Variants in SPPL2A observed in about 807,000 individuals in gnomAD.
SPPL2A encodes the protein signal peptide peptidase like 2A, also known as signal peptide peptidase-like 2A.
A neutral mutation model predicts 63.8 loss-of-function variants in SPPL2A; 51 were observed. That is an observed-to-expected ratio of 0.80 (90% CI 0.64 to 1.01). The LOEUF is 1.01. SPPL2A is among the 50% of genes least tolerant of loss of function. The pLI, the probability that SPPL2A is intolerant of heterozygous loss-of-function variation, is 0.00. For synonymous variants in SPPL2A, 188 were observed against 205.8 expected (o/e 0.91, Z 0.74); for missense variants, 553 against 622.7 (o/e 0.89, Z 1.19).
chr15:50,765,148 G>A (rs1489841548), intron 1 of SPPL2A, among the ~76,000 whole-genome samples: 1 of 152,062 alleles, frequency 6.6e-6, no homozygotes, highest in African/African-American at 2.4e-5. Flanking sequence ...CTGGGACAGT[G>A]AGCAACTATC....
At chr15:50,715,296 C>A (rs75559755) in intron 14 of SPPL2A, among the ~76,000 whole-genome samples, 9,707 of 152,090 alleles carry the variant, frequency 0.064, 1,071 homozygotes, top group African/African-American at 0.22. Flanking sequence ...CCGCTCCCGG[C>A]CTAAGAATGA....
chr15:50,717,967 C>CTTT (rs1567150531), intron 14 of SPPL2A, among the ~76,000 whole-genome samples: 17 of 98,106 alleles, frequency 1.7e-4, no homozygotes, highest in South Asian at 1.0e-3. Flanking sequence ...CTGTAACTTT[C>CTTT]GTTTTTTTTT....
intron 14 of SPPL2A, among the ~76,000 whole-genome samples, chr15:50,711,983 T>C (rs2062562662): frequency 6.6e-6 from 1 of 152,218 alleles, no homozygotes; most frequent in South Asian, 2.1e-4. Context: ...ACAATTACAG[T>C]CATTTTATAA....
At chr15:50,736,907 G>GTTTTTTTTTTTTTTTTT (rs35812835) in intron 6 of SPPL2A, among the ~76,000 whole-genome samples, 167 bp from the exon 7 acceptor site, 3 of 150,506 alleles carry the variant, frequency 2.0e-5, no homozygotes, top group African/African-American at 2.4e-5. Flanking sequence ...AGATCGTGAG[G>GTTTTTTTTTTTTTTTTT]TTTTTTGTTT....
intron 1 of SPPL2A, among the ~76,000 whole-genome samples, chr15:50,751,163 GA>G (rs1451964735): frequency 2.0e-5 from 3 of 152,138 alleles, no homozygotes; most frequent in Admixed American, 6.6e-5. Flanking sequence ...ATTAGATAAG[GA>G]AATAAGATGT....
rs1184993537 is a variant in SPPL2A at position 50,736,194 on chromosome 15, C to T, written c.839G>A (p.Cys280Tyr). The T allele has an allele frequency of 6.2e-7, 1 of 1,601,694 alleles. No individual in the cohort carries two copies. The part of the protein sequence containing the change: ...KIPYGQCTIA[C>Y]RGKNMEVRLI... The stretch of plus-strand genomic sequence containing the variant: ...TCTCACTTCCATGTTTTTGCCACGA[C>T]ATGCAATCCTAAAAAACAGATTAAA... The change falls in exon 8 of 15, where the codon TGT (cysteine) becomes TAT (tyrosine). Residue 280 changes from cysteine to tyrosine, a missense_variant. By Grantham distance (194) the Cys-to-Tyr change is radical. Coordinates refer to ENST00000261854, the MANE Select transcript of SPPL2A (RefSeq NM_032802.4).
intron 2 of SPPL2A, 47 bp from the exon 3 acceptor site, chr15:50,748,917 C>T (rs1012708201): frequency 7.9e-7 from 1 of 1,263,590 alleles, no homozygotes; most frequent in Non-Finnish European, 1.1e-6. Context: ...TCTATTTCAT[C>T]CTAAATGCAT....
At position 50,765,638 on chromosome 15, in the gene SPPL2A, G is replaced by C; in HGVS notation, c.-105C>G. The C allele has an allele frequency of 1.3e-6, 1 of 758,962 alleles. No homozygotes were observed. The allele number at this position is 758,962 out of a possible 1,614,324, so 47.0% of individuals were successfully genotyped here. ...GCTGCCTCCGTGGCCGGACCGGACCGGACAGGCGCGGGCGGCCGGGCTACG... is the reference window on the plus strand; with the variant it reads ...GCTGCCTCCGTGGCCGGACCGGACCCGACAGGCGCGGGCGGCCGGGCTACG... On this transcript the variant is annotated 5_prime_UTR_variant, in exon 1 of 15. Transcript: ENST00000261854.
chr15:50,731,005 T>C lies in SPPL2A; in HGVS notation c.1049A>G (p.Tyr350Cys), dbSNP rs565107754. ...CVILLGLLLL[Y>C]DVFFVFITPF... ...TGTTATGAAAACAAAAAATACATCA[T>C]AGAGGAGGAGAAGGCCTAGAAGTAT... Residue 350 changes from tyrosine (Y) to cysteine (C), a missense_variant, in exon 10 of 15, where the codon TAT becomes TGT. Physicochemically the swap from Tyr to Cys is radical, Grantham distance 194 (BLOSUM62 -2). Transcript: ENST00000261854. The C allele has an allele frequency of 2.0e-6, 3 of 1,521,736 alleles. No individual in the cohort carries two copies. Among genetic ancestry groups the C allele is most frequent in the East Asian group, 2.3e-5 (1 of 44,164 alleles). 94.3% of individuals were successfully genotyped at this position (1,521,736 alleles called of 1,614,324 possible). A position where few individuals can be genotyped will look rare whatever the true frequency, so the allele number is the denominator to read the frequency against.
At chr15:50,745,815 C>T (rs192139697) in intron 5 of SPPL2A, among the ~76,000 whole-genome samples, 6 of 152,004 alleles carry the variant, frequency 3.9e-5, no homozygotes, top group Non-Finnish European at 8.8e-5. Flanking sequence ...CTTTGGGAGG[C>T]CGAGGTGGGC....
At chr15:50,714,712 C>A (rs12906354) in intron 14 of SPPL2A, among the ~76,000 whole-genome samples, 14,416 of 151,664 alleles carry the variant, frequency 0.095, 744 homozygotes, top group South Asian at 0.15. Flanking sequence ...GAGGCCAAGG[C>A]AGGTGGGTTC....
chr15:50,759,111 G>T (rs868124451), intron 1 of SPPL2A, among the ~76,000 whole-genome samples: 6 of 151,786 alleles, frequency 4.0e-5, no homozygotes, highest in Admixed American at 1.3e-4. Context: ...ATTATACTGC[G>T]CAGCCTGGCC....
At chr15:50,719,009 A>G (rs1406617519) in intron 14 of SPPL2A, among the ~76,000 whole-genome samples, 1 of 152,136 alleles carries the variant, frequency 6.6e-6, no homozygotes, top group Admixed American at 6.6e-5. Context: ...TCAATAGGCT[A>G]GGGTTTCCCA....
intron 14 of SPPL2A, among the ~76,000 whole-genome samples, chr15:50,713,850 A>G (rs2062579439): frequency 6.6e-6 from 1 of 152,092 alleles, no homozygotes; most frequent in Admixed American, 6.6e-5. Context: ...AAAAATCCTC[A>G]CTCCTACAAA....
chr15:50,749,361 C>T (rs1890935270), intron 2 of SPPL2A, among the ~76,000 whole-genome samples: 1 of 152,102 alleles, frequency 6.6e-6, no homozygotes, highest in African/African-American at 2.4e-5. Context: ...GATCTCAGCT[C>T]ACTGCAAGCT....
intron 14 of SPPL2A, among the ~76,000 whole-genome samples, chr15:50,714,996 T>G (rs1596376052): frequency 1.3e-5 from 2 of 151,896 alleles, no homozygotes; most frequent in South Asian, 4.1e-4. Flanking sequence ...AAGTTTTTTT[T>G]GGTGTTTTTT....
At chr15:50,738,287 G>A (rs1489117109) in intron 6 of SPPL2A, among the ~76,000 whole-genome samples, 1 of 151,830 alleles carries the variant, frequency 6.6e-6, no homozygotes, top group Middle Eastern at 3.2e-3. Flanking sequence ...GGTAACTCAC[G>A]CCTGTAATCC....
At chr15:50,726,104 G>A in intron 11 of SPPL2A, 1 of 1,507,518 alleles carries the variant, frequency 6.6e-7, no homozygotes, top group Non-Finnish European at 8.9e-7. Context: ...TTGACCAGTG[G>A]CTTCCACCAA....
intron 1 of SPPL2A, among the ~76,000 whole-genome samples, chr15:50,758,977 T>C (rs545298004): frequency 6.6e-6 from 1 of 152,290 alleles, no homozygotes; most frequent in Non-Finnish European, 1.5e-5. Flanking sequence ...GAGGCATGGT[T>C]GCAGCTCACT....
Sources: gnomAD v4.1 joint callset for allele counts (sites outside exome capture counted in the v4.1 genomes callset) on GRCh38, gnomAD v4.1.1 for gene constraint, MANE v1.5 for transcripts, NCBI Gene and HGNC (gene_info 2026-07-23, HGNC 2026-07-21) for gene names.